The following ULK4 variants were observed in gnomAD, a reference collection of about 807,000 sequenced individuals.
The protein encoded by ULK4 is inactive serine/threonine-protein kinase ULK4.
In ULK4, 133 loss-of-function variants were observed where a neutral mutation model predicts 160.6. The ratio of observed to expected loss-of-function variants is 0.83; its 90% confidence interval spans 0.72 to 0.96. The LOEUF (loss-of-function observed/expected upper bound fraction) is 0.96, where lower values mean the gene tolerates loss of function less well. Among genes scored for constraint, ULK4 ranks in the 40% least tolerant of loss-of-function variants. ULK4 has a pLI of 0.00. For synonymous variants in ULK4, 534 were observed against 539.8 expected (o/e 0.99, Z 0.15); for missense variants, 1,580 against 1,499.5 (o/e 1.05, Z -0.89).
At chr3:41,506,064 T>C (rs908953794) in intron 32 of ULK4, among the ~76,000 whole-genome samples, 2 of 152,192 alleles carry the variant, frequency 1.3e-5, no homozygotes, top group African/African-American at 4.8e-5. Context: ...TAATTGTGTA[T>C]ATAGCAAAAA....
intron 32 of ULK4, among the ~76,000 whole-genome samples, chr3:41,507,178 CAAAAAA>C (rs149739568): frequency 2.2e-4 from 18 of 82,098 alleles, no homozygotes; most frequent in Non-Finnish European, 3.4e-4. Context: ...TAACCAGGAG[CAAAAAA>C]AAAAAAAAAA....
intron 34 of ULK4, among the ~76,000 whole-genome samples, chr3:41,437,399 C>T (rs2083059537): frequency 6.6e-6 from 1 of 152,144 alleles, no homozygotes; most frequent in South Asian, 2.1e-4. Context: ...AGGAAAAATG[C>T]TCAAGATTCT....
At chr3:41,501,290 G>C (rs1033955625) in intron 32 of ULK4, among the ~76,000 whole-genome samples, 1 of 152,190 alleles carries the variant, frequency 6.6e-6, no homozygotes, top group Non-Finnish European at 1.5e-5. Context: ...GAGGTCAGGA[G>C]ATCAAGACCA....
At chr3:41,724,233 G>A (rs1182808134) in intron 22 of ULK4, among the ~76,000 whole-genome samples, 4 of 152,140 alleles carry the variant, frequency 2.6e-5, no homozygotes, top group Non-Finnish European at 5.9e-5. Context: ...GAACATTTGG[G>A]CTATTTCAAT....
chr3:41,324,983 AAAG>A (rs1369516299), intron 35 of ULK4, among the ~76,000 whole-genome samples: 1 of 152,188 alleles, frequency 6.6e-6, no homozygotes, highest in Non-Finnish European at 1.5e-5. Context: ...CCGTCTTTCC[AAAG>A]AAGGTAACTA....
intron 22 of ULK4, among the ~76,000 whole-genome samples, chr3:41,723,504 A>C (rs1248100560): frequency 6.6e-6 from 1 of 152,092 alleles, no homozygotes; most frequent in African/African-American, 2.4e-5. Context: ...TGTTTTTCCA[A>C]GTGGACGAGC....
At chr3:41,786,808 A>G (rs73071352) in intron 21 of ULK4, among the ~76,000 whole-genome samples, 18,818 of 152,048 alleles carry the variant, frequency 0.12, 1,340 homozygotes, top group Middle Eastern at 0.27. Context: ...ACCCTGGACA[A>G]TATATATAAA....
chr3:41,313,395 C>G (rs2080087372), intron 35 of ULK4, among the ~76,000 whole-genome samples: 1 of 152,132 alleles, frequency 6.6e-6, no homozygotes, highest in Admixed American at 6.5e-5. Flanking sequence ...TAAATGTTAG[C>G]TGTTATTCCT....
In ULK4 at chr3:41,837,325, C is replaced by T. The variant is rs377095399; in HGVS notation, c.1657-1354G>A. ...ACACCTGTGAAATCATCACTGCAAT[C>T]AAGATAACAAAAGCCCTCCAGTGTT... is the stretch of plus-strand genomic sequence containing the variant. On this transcript the variant is annotated intron_variant, in intron 17 of 36. Coordinates refer to ENST00000301831, the MANE Select transcript of ULK4 (RefSeq NM_017886.4). Among the ~76,000 whole-genome samples, 31 of 152,264 alleles carry T rather than the reference C, an allele frequency of 2.0e-4. 2 individuals carry two copies. The South Asian group carries it at 6.4e-3, about 32-fold the overall frequency.
intron 35 of ULK4, among the ~76,000 whole-genome samples, chr3:41,327,388 C>A (rs1250526856): frequency 6.6e-6 from 1 of 152,096 alleles, no homozygotes; most frequent in Non-Finnish European, 1.5e-5. Flanking sequence ...ATTAGTCTCT[C>A]TCATTTTTTT....
chr3:41,826,398 T>C (rs950978587), intron 18 of ULK4, among the ~76,000 whole-genome samples: 1 of 152,124 alleles, frequency 6.6e-6, no homozygotes, highest in Non-Finnish European at 1.5e-5. Flanking sequence ...ATCAGGGTGC[T>C]GTATTCAGGA....
intron 6 of ULK4, among the ~76,000 whole-genome samples, 176 bp downstream of exon 6, chr3:41,919,541 G>A (rs1699112830): frequency 6.6e-6 from 1 of 152,190 alleles, no homozygotes; most frequent in Admixed American, 6.5e-5. Flanking sequence ...GGCAGAGGTT[G>A]TAGTGAGCCG....
intron 34 of ULK4, among the ~76,000 whole-genome samples, chr3:41,449,671 A>G (rs1189292830): frequency 6.6e-6 from 1 of 152,138 alleles, no homozygotes; most frequent in Non-Finnish European, 1.5e-5. Flanking sequence ...GTCCACCACC[A>G]TTTGAAAAGA....
chr3:41,427,263 A>G (rs2125842698), intron 34 of ULK4, among the ~76,000 whole-genome samples: 1 of 152,364 alleles, frequency 6.6e-6, no homozygotes, highest in South Asian at 2.1e-4. Context: ...AAATTGAGGC[A>G]GTAATAAATA....
At chr3:41,476,133 C>T (rs1252640208) in intron 32 of ULK4, among the ~76,000 whole-genome samples, 1 of 151,958 alleles carries the variant, frequency 6.6e-6, no homozygotes, top group African/African-American at 2.4e-5. Context: ...AGGGCTGACA[C>T]CACCAGTGGT....
At chr3:41,267,260 A>G (rs1395651172) in intron 35 of ULK4, among the ~76,000 whole-genome samples, 63 of 151,946 alleles carry the variant, frequency 4.1e-4, no homozygotes, top group Non-Finnish European at 7.4e-5. Flanking sequence ...GAGAACATGC[A>G]ATATTTGGTC....
rs370148896 is a variant in ULK4, at chr3:41,938,194, G to A, written c.142C>T (p.Arg48Cys). The A allele has an allele frequency of 8.1e-6, 13 of 1,608,796 alleles. No individual in the cohort carries two copies. Among genetic ancestry groups the A allele is most frequent in the African/African-American group, 6.7e-5 (5 of 74,654 alleles). ...TTGTGTTTTATTTCACGGGTGAGAC[G>A]GACCTATAAAAACACAGAGCAATCA... is the stretch of plus-strand genomic sequence containing the variant. Reference protein sequence around the residue: ...CKRPEITNWVRLTREIKHKNI... With the variant: ...CKRPEITNWVCLTREIKHKNI... The change falls in exon 3 of 37, where the codon CGT becomes TGT. Residue 48 changes from arginine (R) to cysteine (C), a missense_variant. Physicochemically the swap from Arg to Cys is radical, Grantham distance 180. Coordinates refer to ENST00000301831, the MANE Select transcript of ULK4 (RefSeq NM_017886.4).
chr3:41,427,488 T>C (rs963880832), intron 34 of ULK4, among the ~76,000 whole-genome samples: 5 of 152,196 alleles, frequency 3.3e-5, no homozygotes, highest in Admixed American at 2.0e-4. Flanking sequence ...TTCAGGCCAC[T>C]GTCCCTGATG....
intron 5 of ULK4, among the ~76,000 whole-genome samples, chr3:41,921,543 A>G (rs1284246884): frequency 6.6e-6 from 1 of 152,120 alleles, no homozygotes; most frequent in African/African-American, 2.4e-5. Flanking sequence ...TGAACCCAGG[A>G]GGCGGAGTTT....
Sources: allele counts gnomAD v4.1 joint callset (sites outside exome capture counted in the v4.1 genomes callset), GRCh38; gene constraint gnomAD v4.1.1; transcripts MANE v1.5; gene names NCBI Gene and HGNC (gene_info 2026-07-23, HGNC 2026-07-21).